ACTR3C: variants seen among roughly 807,000 people sequenced by gnomAD.
ACTR3C encodes the protein actin related protein 3C.
ACTR3C carries 18 observed loss-of-function variants against 26.3 expected under a neutral mutation model. That is an observed-to-expected ratio of 0.68 (90% CI 0.47 to 1.01). ACTR3C has a LOEUF of 1.01. ACTR3C is among the 50% of genes least tolerant of loss of function. The probability of loss-of-function intolerance (pLI) is 0.00; values close to 1 mark genes in which losing one functional copy is unlikely to be tolerated. For missense variants in ACTR3C, 184 were observed against 250.7 expected (o/e 0.73, Z 1.80); for synonymous variants, 55 against 94.5 (o/e 0.58, Z 2.42).
At chr7:150,205,435 G>A in the ACTR3C span, among the ~76,000 whole-genome samples, 9 of 152,262 alleles carry the variant, frequency 5.9e-5, no homozygotes, top group Admixed American at 2.0e-4. Context: ...TCTGAGACCC[G>A]TTGGGCAGTC....
chr7:149,911,993 G>C, the ACTR3C span, among the ~76,000 whole-genome samples: 1 of 143,224 alleles, frequency 7.0e-6, no homozygotes, highest in East Asian at 2.0e-4. Context: ...CCGGGTGACA[G>C]AGCGAGACCC....
At chr7:150,088,377 T>C in the ACTR3C span, among the ~76,000 whole-genome samples, 3 of 152,218 alleles carry the variant, frequency 2.0e-5, no homozygotes, top group Non-Finnish European at 4.4e-5. Flanking sequence ...AATTTAATAG[T>C]TTTAGTTTTT....
At chr7:150,111,280 C>T in the ACTR3C span, among the ~76,000 whole-genome samples, 5,708 of 101,046 alleles carry the variant, frequency 0.056, 340 homozygotes, top group Middle Eastern at 0.099. Flanking sequence ...TGGAGTCCAG[C>T]TTCTGGCATA....
At chr7:150,180,994 T>C in the ACTR3C span, among the ~76,000 whole-genome samples, 1 of 151,518 alleles carries the variant, frequency 6.6e-6, no homozygotes, top group Non-Finnish European at 1.5e-5. Flanking sequence ...TCTAGTCAGA[T>C]GTCATTAAAA....
the ACTR3C span, among the ~76,000 whole-genome samples, chr7:150,038,743 T>TG: frequency 3.5e-5 from 5 of 141,860 alleles, 1 homozygote; most frequent in East Asian, 2.0e-4. Flanking sequence ...GGAGCAACGA[T>TG]GGGGGGGTCC....
chr7:149,956,141 G>T, the ACTR3C span, among the ~76,000 whole-genome samples: 2 of 152,138 alleles, frequency 1.3e-5, no homozygotes, highest in African/African-American at 4.8e-5. Flanking sequence ...TAGAAATGAG[G>T]CTTTTCTTAA....
At chr7:150,047,807 C>T in the ACTR3C span, 4 of 1,531,598 alleles carry the variant, frequency 2.6e-6, no homozygotes, top group Admixed American at 2.0e-5. Flanking sequence ...TGGGGAAGGA[C>T]CTCGAGGTGT....
chr7:150,182,100 T>A, the ACTR3C span, among the ~76,000 whole-genome samples: 1 of 150,510 alleles, frequency 6.6e-6, no homozygotes, highest in Admixed American at 6.6e-5. Flanking sequence ...TTACTAAGTG[T>A]CCCTCCTGCC....
the ACTR3C span, among the ~76,000 whole-genome samples, chr7:150,039,182 G>C: frequency 3.3e-4 from 48 of 143,862 alleles, no homozygotes; most frequent in East Asian, 2.2e-4. Context: ...CTCAGTCCCC[G>C]CCTCGCGGGG....
At chr7:149,945,437 G>A in the ACTR3C span, among the ~76,000 whole-genome samples, 1 of 152,136 alleles carries the variant, frequency 6.6e-6, no homozygotes, top group Non-Finnish European at 1.5e-5. Flanking sequence ...GAACCGTGTC[G>A]AGACCAAAAT....
At chr7:150,250,631 G>A (rs113859004) in intron 6 of ACTR3C, among the ~76,000 whole-genome samples, 3 of 151,844 alleles carry the variant, frequency 2.0e-5, no homozygotes, top group African/African-American at 7.3e-5. Flanking sequence ...CGAGTGGAGG[G>A]GAGAAGCCAG....
chr7:150,038,294 G>A, the ACTR3C span, among the ~76,000 whole-genome samples: 10 of 137,914 alleles, frequency 7.3e-5, 1 homozygote, highest in Non-Finnish European at 1.1e-4. Context: ...CGTAGGCTAC[G>A]GGCCTCAGCC....
the ACTR3C span, among the ~76,000 whole-genome samples, chr7:150,228,016 TTC>T: frequency 6.6e-6 from 1 of 152,158 alleles, no homozygotes; most frequent in Non-Finnish European, 1.5e-5. Flanking sequence ...ATATTTTAGC[TTC>T]TGTTTGTTGA....
At chr7:150,314,632 A>G (rs1369783516) in intron 1 of ACTR3C, among the ~76,000 whole-genome samples, 2 of 152,070 alleles carry the variant, frequency 1.3e-5, no homozygotes, top group Admixed American at 1.3e-4. Flanking sequence ...GATGTTTAAA[A>G]TATTTTATTA....
At chr7:150,050,557 A>G in the ACTR3C span, among the ~76,000 whole-genome samples, 1 of 152,216 alleles carries the variant, frequency 6.6e-6, no homozygotes, top group Non-Finnish European at 1.5e-5. Flanking sequence ...TGAAATAAAA[A>G]TTTGTGCTGG....
At chr7:149,899,233 C>T in the ACTR3C span, among the ~76,000 whole-genome samples, 1 of 150,818 alleles carries the variant, frequency 6.6e-6, no homozygotes, top group African/African-American at 2.4e-5. Context: ...AACATCTCAA[C>T]TGAAAAGAGA....
the ACTR3C span, among the ~76,000 whole-genome samples, chr7:150,006,639 C>T: frequency 6.6e-6 from 1 of 150,744 alleles, no homozygotes; most frequent in African/African-American, 2.4e-5. Context: ...ACCTGGGGTC[C>T]CTGGTGCCCT....
At chr7:150,290,994 GA>G (rs1281229149) in intron 3 of ACTR3C, among the ~76,000 whole-genome samples, 1 of 151,984 alleles carries the variant, frequency 6.6e-6, no homozygotes, top group African/African-American at 2.4e-5. Context: ...AACCACAAGA[GA>G]AAAAAACTAG....
the ACTR3C span, among the ~76,000 whole-genome samples, chr7:150,039,683 G>A: frequency 7.7e-6 from 1 of 130,654 alleles, no homozygotes; most frequent in African/African-American, 2.7e-5. Flanking sequence ...ATCAACGATG[G>A]GGGGTCCTAA....
Sources: allele counts gnomAD v4.1 joint callset (sites outside exome capture counted in the v4.1 genomes callset), GRCh38; gene constraint gnomAD v4.1.1; transcripts MANE v1.5; gene names NCBI Gene and HGNC (gene_info 2026-07-23, HGNC 2026-07-21).